DOCK3: variants seen among roughly 807,000 people sequenced by gnomAD.
DOCK3 encodes the protein dedicator of cytokinesis protein 3.
A neutral mutation model predicts 265.6 loss-of-function variants in DOCK3; 60 were observed. The observed-to-expected ratio is 0.23, with a 90% CI of 0.18 to 0.28. The LOEUF is 0.28. Among genes scored for constraint, DOCK3 ranks in the 10% least tolerant of loss-of-function variants. The pLI is 1.00. For synonymous variants in DOCK3, 881 were observed against 938.0 expected (o/e 0.94, Z 1.11); for missense variants, 1,981 against 2,594.3 (o/e 0.76, Z 5.14).
At chr3:51,013,480 G>A (rs1328677199) in intron 5 of DOCK3, among the ~76,000 whole-genome samples, 1 of 152,202 alleles carries the variant, frequency 6.6e-6, no homozygotes, top group African/African-American at 2.4e-5. Context: ...CACCAGTGGA[G>A]GCTGCAGAAC....
chr3:51,154,621 AT>A (rs1157607835), intron 10 of DOCK3, among the ~76,000 whole-genome samples: 1 of 152,112 alleles, frequency 6.6e-6, no homozygotes, highest in Non-Finnish European at 1.5e-5. Flanking sequence ...ATTCTCTGAT[AT>A]TTCCTGGTAA....
At chr3:51,247,900 A>T (rs1248208818) in intron 22 of DOCK3, among the ~76,000 whole-genome samples, 2 of 152,262 alleles carry the variant, frequency 1.3e-5, no homozygotes, top group African/African-American at 2.4e-5. Flanking sequence ...AGCACCTGTC[A>T]GGTGCCTAAC....
At chr3:50,769,717 C>G (rs1264254115) in intron 1 of DOCK3, among the ~76,000 whole-genome samples, 1 of 148,414 alleles carries the variant, frequency 6.7e-6, no homozygotes, top group Non-Finnish European at 1.5e-5. Flanking sequence ...GAGGCTGAGA[C>G]AGGAGAATCG....
chr3:51,134,285 G>T (rs2084696396), intron 9 of DOCK3, among the ~76,000 whole-genome samples: 1 of 151,964 alleles, frequency 6.6e-6, no homozygotes, highest in South Asian at 2.1e-4. Flanking sequence ...TATTCCTTTG[G>T]GTATACACCC....
At chr3:50,912,350 A>G (rs2049901137) in intron 4 of DOCK3, among the ~76,000 whole-genome samples, 1 of 152,064 alleles carries the variant, frequency 6.6e-6, no homozygotes, top group African/African-American at 2.4e-5. Context: ...GGAGTGACAC[A>G]AGCACCTCTG....
intron 9 of DOCK3, among the ~76,000 whole-genome samples, chr3:51,118,643 T>C (rs1316222626): frequency 6.6e-6 from 1 of 152,230 alleles, no homozygotes; most frequent in Non-Finnish European, 1.5e-5. Context: ...TGGGTGCTTC[T>C]GTATTGGGTG....
chr3:50,905,991 A>T (rs1022488220), intron 4 of DOCK3, among the ~76,000 whole-genome samples: 1 of 151,956 alleles, frequency 6.6e-6, no homozygotes, highest in Non-Finnish European at 1.5e-5. Flanking sequence ...GAATTTTGTC[A>T]AAGGCCTTTT....
chr3:50,897,508 C>A lies in DOCK3; in HGVS notation c.218+7427C>A, dbSNP rs553283956. The stretch of plus-strand genomic sequence containing the variant: ...TGCCTGATTGCCCTTGCCAGAACTT[C>A]CAACACTATGTTAAATAGGCATGGT... On this transcript the variant is annotated intron_variant, in intron 4 of 52. Coordinates refer to ENST00000266037, the MANE Select transcript of DOCK3 (RefSeq NM_004947.5). Among the ~76,000 whole-genome samples, 4 of 152,296 alleles carry A rather than the reference C, an allele frequency of 2.6e-5. No homozygotes were observed. The South Asian group carries it at 8.3e-4, about 32-fold the overall frequency.
At chr3:50,857,152 TG>T (rs199828238) in intron 3 of DOCK3, among the ~76,000 whole-genome samples, 1,598 of 152,280 alleles carry the variant, frequency 0.01, 9 homozygotes, top group Non-Finnish European at 0.016. Flanking sequence ...GTTGTGTCCT[TG>T]CCAGATTTTT....
chr3:51,100,257 T>C (rs2083031928), intron 9 of DOCK3, among the ~76,000 whole-genome samples: 1 of 152,186 alleles, frequency 6.6e-6, no homozygotes, highest in African/African-American at 2.4e-5. Context: ...GCAGATATTG[T>C]AAGGCAGTAA....
chr3:50,873,518 G>A (rs1170294529), intron 3 of DOCK3, among the ~76,000 whole-genome samples: 1 of 152,182 alleles, frequency 6.6e-6, no homozygotes, highest in Admixed American at 6.5e-5. Flanking sequence ...TTAAGGGAGA[G>A]GTGATGCCAG....
chr3:51,114,948 C>G (rs988478323), intron 9 of DOCK3, among the ~76,000 whole-genome samples: 2 of 152,086 alleles, frequency 1.3e-5, no homozygotes, highest in Non-Finnish European at 2.9e-5. Context: ...ATTATGGTTT[C>G]CATCTTCATT....
intron 4 of DOCK3, among the ~76,000 whole-genome samples, chr3:50,906,409 G>C (rs1447203246): frequency 6.6e-6 from 1 of 151,786 alleles, no homozygotes; most frequent in African/African-American, 2.4e-5. Context: ...TTTTTTGGTT[G>C]GGAGGCTATT....
At chr3:50,970,160 TG>T (rs1253055975) in intron 5 of DOCK3, among the ~76,000 whole-genome samples, 31 of 152,368 alleles carry the variant, frequency 2.0e-4, no homozygotes, top group African/African-American at 6.7e-4. Context: ...CCGAGAAGTC[TG>T]CTGTCAGTCT....
intron 12 of DOCK3, among the ~76,000 whole-genome samples, chr3:51,187,627 A>G (rs1418879205): frequency 6.6e-6 from 1 of 152,008 alleles, no homozygotes; most frequent in Non-Finnish European, 1.5e-5. Context: ...TAATTCCCAC[A>G]TATTGTGGGA....
At chr3:50,685,242 G>C (rs535937482) in intron 1 of DOCK3, among the ~76,000 whole-genome samples, 163 of 152,224 alleles carry the variant, frequency 1.1e-3, no homozygotes, top group Non-Finnish European at 1.8e-3. Flanking sequence ...GAAATTAGCT[G>C]TTGCCAGATT....
At chr3:51,081,764 C>T (rs541856400) in intron 7 of DOCK3, among the ~76,000 whole-genome samples, 16 of 151,826 alleles carry the variant, frequency 1.1e-4, no homozygotes, top group South Asian at 2.1e-4. Context: ...GGCGTGGTGG[C>T]GGGCACCTGT....
chr3:50,927,251 A>G (rs988955947), intron 4 of DOCK3, among the ~76,000 whole-genome samples: 1 of 152,082 alleles, frequency 6.6e-6, no homozygotes, highest in African/African-American at 2.4e-5. Context: ...CACTGACTTA[A>G]AACTGGATGC....
chr3:51,160,131 G>C (rs539514708), intron 11 of DOCK3, among the ~76,000 whole-genome samples: 1 of 152,278 alleles, frequency 6.6e-6, no homozygotes, highest in South Asian at 2.1e-4. Context: ...AGCAGAATTT[G>C]GTTGAAAGAA....
Sources: allele counts gnomAD v4.1 joint callset (sites outside exome capture counted in the v4.1 genomes callset), GRCh38; gene constraint gnomAD v4.1.1; transcripts MANE v1.5; gene names NCBI Gene and HGNC (gene_info 2026-07-23, HGNC 2026-07-21).